WDR49: variants seen among roughly 807,000 people sequenced by gnomAD.
WDR49 encodes cilia- and flagella-associated protein 337.
A neutral mutation model predicts 119.5 loss-of-function variants in WDR49; 107 were observed. That is an observed-to-expected ratio of 0.90 (90% confidence interval 0.77 to 1.05). The LOEUF is 1.05. WDR49 is among the 50% of genes least tolerant of loss of function. The pLI, the probability that WDR49 is intolerant of heterozygous loss-of-function variation, is 0.00. For missense variants in WDR49, 1,240 were observed against 1,220.5 expected, an observed-to-expected ratio of 1.02 and a Z score of -0.24; for synonymous variants, 425 against 418.8, an observed-to-expected ratio of 1.01 and a Z score of -0.18.
At chr3:167,602,424 A>G (rs1715821381) in intron 6 of WDR49, 149 bp from the exon 7 acceptor site, 1 of 639,564 alleles carries the variant, frequency 1.6e-6, no homozygotes, top group African/African-American at 1.8e-5. Context: ...TTGTCTAACT[A>G]GACCAGGCTA....
chr3:167,532,839 T>C (rs781655914), intron 12 of WDR49, 40 bp downstream of exon 12: 2 of 1,492,732 alleles, frequency 1.3e-6, no homozygotes, highest in Non-Finnish European at 1.9e-6. Flanking sequence ...CTACTGTGAT[T>C]TGACTAGCCA....
intron 13 of WDR49, among the ~76,000 whole-genome samples, chr3:167,530,304 C>T (rs1752801509): frequency 6.6e-6 from 1 of 151,800 alleles, no homozygotes; most frequent in South Asian, 2.1e-4. Context: ...ACATATATGT[C>T]TAGTTCCTAA....
chr3:167,534,909 C>T (rs1415131096), intron 11 of WDR49, among the ~76,000 whole-genome samples: 1 of 152,172 alleles, frequency 6.6e-6, no homozygotes, highest in Non-Finnish European at 1.5e-5. Context: ...CATTATGAAA[C>T]ATCTAAGTGC....
intron 5 of WDR49, among the ~76,000 whole-genome samples, chr3:167,607,318 T>C (rs1234645961): frequency 1.3e-5 from 2 of 152,170 alleles, no homozygotes; most frequent in Non-Finnish European, 2.9e-5. Flanking sequence ...GAAACTTTGC[T>C]CCTGAGGCTG....
At chr3:167,633,176 A>G (rs1328993283) in intron 2 of WDR49, among the ~76,000 whole-genome samples, 1 of 151,576 alleles carries the variant, frequency 6.6e-6, no homozygotes, top group Non-Finnish European at 1.5e-5. Flanking sequence ...CAGGGTGGCT[A>G]GTTGCTAACT....
rs759395835 is a variant in WDR49 at position 167,478,906 on chromosome 3, CT to C, written c.3121del (p.Ser1041ValfsTer4). On this transcript the variant is annotated frameshift_variant, in exon 19 of 19. Coordinates refer to ENST00000682715, the MANE Select transcript of WDR49 (RefSeq NM_001366157.1). LOFTEE classifies it high-confidence loss of function. ...CTTCTTATTTTTCTTCACTTCACAA[CT>C]TTTTTCTTGGCATAATTGCTTGGCT... is the stretch of plus-strand genomic sequence containing the variant. ...RKAKQLCQEK[S>X]CEVKKNKK The C allele has an allele frequency of 1.5e-5, 24 of 1,608,188 alleles. No individual in the cohort carries two copies. Among genetic ancestry groups the C allele is most frequent in the Non-Finnish European group, 2.0e-5 (23 of 1,178,686 alleles).
chr3:167,537,750 C>T (rs1389572990), intron 10 of WDR49, among the ~76,000 whole-genome samples: 2 of 152,132 alleles, frequency 1.3e-5, no homozygotes, highest in Non-Finnish European at 2.9e-5. Context: ...CCTGTTTTCA[C>T]TTGATGATCC....
chr3:167,492,432 A>G (rs186590661), intron 18 of WDR49, among the ~76,000 whole-genome samples: 97 of 152,220 alleles, frequency 6.4e-4, no homozygotes, highest in Non-Finnish European at 1.0e-3. Context: ...ACTTAGGTCA[A>G]TTATTTAAAT....
At position 167,532,878 on chromosome 3, in the gene WDR49, C is replaced by A. The variant is rs774576197; in HGVS notation, c.2053+1G>T. On this transcript the variant is annotated splice_donor_variant, in intron 12 of 18. Transcript: ENST00000682715. LOFTEE classifies it high-confidence loss of function. The stretch of plus-strand genomic sequence containing the variant: ...TATTTTCGTTTCAAACTCACACTTA[C>A]CTAATTTTGACTTTAGCAACCTCTG... 1.9e-6 allele frequency: 3 copies of A among 1,606,870 alleles called. No homozygotes were observed. The highest frequency in any genetic ancestry group is 1.1e-5 in the South Asian group (1 of 90,186).
intron 2 of WDR49, among the ~76,000 whole-genome samples, chr3:167,652,741 C>T (rs1718445951): frequency 1.3e-5 from 2 of 152,142 alleles, no homozygotes; most frequent in South Asian, 2.1e-4. Context: ...GTGGGAGACT[C>T]GTCCCTCATA....
At chr3:167,579,701 C>G (rs1390789451) in intron 7 of WDR49, among the ~76,000 whole-genome samples, 1 of 152,038 alleles carries the variant, frequency 6.6e-6, no homozygotes. Context: ...TCTGGCAGCT[C>G]TCCAGGAAAT....
chr3:167,580,160 G>T (rs920262098), intron 7 of WDR49, among the ~76,000 whole-genome samples: 1 of 152,036 alleles, frequency 6.6e-6, no homozygotes, highest in African/African-American at 2.4e-5. Context: ...TTCAGAATGT[G>T]CACATTTGTT....
chr3:167,624,018 T>A (rs772111585), intron 3 of WDR49, among the ~76,000 whole-genome samples: 18 of 151,786 alleles, frequency 1.2e-4, no homozygotes, highest in Non-Finnish European at 2.2e-4. Context: ...AGAATACATA[T>A]AAAAACTCTC....
At chr3:167,593,575 C>A (rs1359194686) in intron 7 of WDR49, among the ~76,000 whole-genome samples, 1 of 151,992 alleles carries the variant, frequency 6.6e-6, no homozygotes, top group African/African-American at 2.4e-5. Flanking sequence ...TCTGAATGGT[C>A]ACATATCTCT....
intron 5 of WDR49, among the ~76,000 whole-genome samples, chr3:167,617,236 T>G (rs1716638707): frequency 1.3e-5 from 2 of 152,278 alleles, no homozygotes; most frequent in Admixed American, 6.5e-5. Context: ...GAAAGACTCT[T>G]CTGTGGTAGG....
At position 167,529,235 on chromosome 3, in the gene WDR49, T is replaced by G. The variant is rs536910378; in HGVS notation, c.2223A>C (p.Gly741=). ...ATCCTCCACATGATACCAGGTTAGC[T>G]CCTCCTAACATGTAAGGGAAAAATC... The part of the protein sequence containing the change: ...KARKNTAVTG[G]ANLVSCGGSG... Residue 741 remains glycine, a synonymous_variant, in exon 14 of 19, where the codon GGA becomes GGC. Transcript: ENST00000682715. 1.6e-5 allele frequency: 26 copies of G among 1,580,458 alleles called. No individual in the cohort carries two copies. In the African/African-American group the frequency reaches 2.6e-4, roughly 16 times the overall value.
At chr3:167,573,431 A>C (rs992672417) in intron 8 of WDR49, among the ~76,000 whole-genome samples, 3 of 128,672 alleles carry the variant, frequency 2.3e-5, no homozygotes, top group East Asian at 2.2e-4. Context: ...CACACACACA[A>C]CACAAATAGA....
At position 167,642,701 on chromosome 3, in the gene WDR49, T is replaced by A. The variant is rs1277800866; in HGVS notation, c.165+10560A>T. Among the ~76,000 whole-genome samples, 3 of 152,020 alleles carry A rather than the reference T, an allele frequency of 2.0e-5. No homozygotes were observed. The East Asian group carries it at 5.8e-4, about 29-fold the overall frequency. ...TGTTATTCTCAATACCATTCTCCAA[T>A]AAATGGAACTGGGGATCCCTGGAGA... is the stretch of plus-strand genomic sequence containing the variant. On this transcript the variant is annotated intron_variant, in intron 2 of 18. Transcript: ENST00000682715.
intron 16 of WDR49, among the ~76,000 whole-genome samples, chr3:167,519,232 C>T (rs2108228947): frequency 6.6e-6 from 1 of 152,194 alleles, no homozygotes; most frequent in South Asian, 2.1e-4. Flanking sequence ...CCTCAAAGAC[C>T]TAGAACCAGA....
Sources: allele counts gnomAD v4.1 joint callset (sites outside exome capture counted in the v4.1 genomes callset), GRCh38; gene constraint gnomAD v4.1.1; transcripts MANE v1.5; gene names NCBI Gene and HGNC (gene_info 2026-07-23, HGNC 2026-07-21).